LMBR1: variants seen among roughly 807,000 people sequenced by gnomAD.
LMBR1 encodes the protein limb development membrane protein 1, also known as limb region 1 protein homolog.
In LMBR1, 52 loss-of-function variants were observed where a neutral mutation model predicts 73.9. The ratio of observed to expected loss-of-function variants is 0.70; its 90% confidence interval spans 0.56 to 0.89. LMBR1 has a LOEUF of 0.89. Ranked by LOEUF, LMBR1 falls within the 40% of genes least tolerant of loss-of-function variation. The pLI is 0.00. For synonymous variants in LMBR1, 215 were observed against 209.4 expected, an observed-to-expected ratio of 1.03 and a Z score of -0.23; for missense variants, 539 against 579.8, an observed-to-expected ratio of 0.93 and a Z score of 0.72.
chr7:156,708,837 G>T (rs1427439987), intron 15 of LMBR1, among the ~76,000 whole-genome samples: 1 of 152,146 alleles, frequency 6.6e-6, no homozygotes, highest in Non-Finnish European at 1.5e-5. Flanking sequence ...AGGGACTGCA[G>T]AAGAGAGACC....
At chr7:156,841,076 CT>C (rs1838628636) in intron 1 of LMBR1, among the ~76,000 whole-genome samples, 1 of 151,730 alleles carries the variant, frequency 6.6e-6, no homozygotes, top group African/African-American at 2.4e-5. Flanking sequence ...CCACTCGGAC[CT>C]GTGCAAGGAG....
intron 9 of LMBR1, among the ~76,000 whole-genome samples, chr7:156,748,633 C>T (rs964309775): frequency 6.6e-6 from 1 of 151,984 alleles, no homozygotes; most frequent in Non-Finnish European, 1.5e-5. Context: ...GGATTACATG[C>T]GCATGCCACC....
chr7:156,818,678 C>G (rs1834301246), intron 4 of LMBR1, among the ~76,000 whole-genome samples: 1 of 152,164 alleles, frequency 6.6e-6, no homozygotes, highest in Non-Finnish European at 1.5e-5. Flanking sequence ...CTTTACCTAA[C>G]TCCGAAACAT....
At chr7:156,841,573 T>C (rs777221900) in intron 1 of LMBR1, among the ~76,000 whole-genome samples, 15 of 152,110 alleles carry the variant, frequency 9.9e-5, no homozygotes, top group Non-Finnish European at 1.9e-4. Flanking sequence ...ACCAAGAGAC[T>C]AGATGTCTTG....
intron 1 of LMBR1, among the ~76,000 whole-genome samples, chr7:156,891,210 AAATAT>A (rs1273708129): frequency 6.9e-4 from 54 of 77,922 alleles, no homozygotes; most frequent in Middle Eastern, 4.8e-3. Context: ...AAAAAAAAAA[AAATAT>A]ATATATATAT....
At chr7:156,831,108 T>C (rs909603269) in intron 3 of LMBR1, among the ~76,000 whole-genome samples, 1 of 152,084 alleles carries the variant, frequency 6.6e-6, no homozygotes, top group African/African-American at 2.4e-5. Flanking sequence ...CACTGAAAAG[T>C]TGAGACTTAG....
intron 5 of LMBR1, among the ~76,000 whole-genome samples, chr7:156,778,948 T>C (rs1435262501): frequency 6.6e-6 from 1 of 152,202 alleles, no homozygotes; most frequent in Non-Finnish European, 1.5e-5. Flanking sequence ...ATCAACTCCA[T>C]TCTTGCATAT....
rs1489697960 is a variant in LMBR1, at chr7:156,684,110, G to A, written c.1441C>T (p.Pro481Ser). Reference protein sequence around the residue: ...NTSRDSETAKPSVNGHQKAL With the variant: ...NTSRDSETAKSSVNGHQKAL ...GCTTTCTGATGCCCATTTACAGAAG[G>A]CTTGGCTGTTTCTGAATCCCTTGAA... Residue 481 changes from proline (P) to serine (S), a missense_variant, in exon 17 of 17, where the codon CCT (proline) becomes TCT (serine). Coordinates refer to ENST00000353442, the MANE Select transcript of LMBR1 (RefSeq NM_022458.4). The A allele has an allele frequency of 6.2e-7, 1 of 1,614,082 alleles. No individual in the cohort carries two copies. The highest frequency in any genetic ancestry group is 1.7e-5 in the Admixed American group (1 of 60,018).
rs186284764 is a variant in LMBR1, at chr7:156,718,698, C to T, written c.1225+5414G>A. On this transcript the variant is annotated intron_variant, in intron 15 of 16. Transcript: ENST00000353442. The stretch of plus-strand genomic sequence containing the variant: ...GCTGCAGTGAGCTATGATGGTGCCA[C>T]TGCACTCCAGCTTGGGTAACAGAAT... Among the ~76,000 whole-genome samples the T allele has an allele frequency of 2.0e-5, 3 of 152,262 alleles. No individual in the cohort carries two copies. The East Asian group carries it at 5.8e-4, about 29-fold the overall frequency.
chr7:156,872,519 T>C (rs1308093403), intron 1 of LMBR1, among the ~76,000 whole-genome samples: 1 of 151,798 alleles, frequency 6.6e-6, no homozygotes, highest in Non-Finnish European at 1.5e-5. Context: ...TGGTGGCGCA[T>C]GCCTATAATC....
chr7:156,747,502 A>C (rs1281581381), intron 9 of LMBR1, among the ~76,000 whole-genome samples: 1 of 152,164 alleles, frequency 6.6e-6, no homozygotes, highest in East Asian at 1.9e-4. Context: ...TTAAAATATA[A>C]AATGTATTTT....
chr7:156,789,115 G>A (rs899614274), intron 5 of LMBR1, among the ~76,000 whole-genome samples: 2 of 152,094 alleles, frequency 1.3e-5, no homozygotes, highest in Non-Finnish European at 2.9e-5. Flanking sequence ...TCTGTGCTAC[G>A]AATAGAATAA....
At chr7:156,776,053 G>A (rs1018579724) in intron 5 of LMBR1, among the ~76,000 whole-genome samples, 13 of 147,868 alleles carry the variant, frequency 8.8e-5, no homozygotes, top group African/African-American at 3.2e-4. Context: ...ATATATATGA[G>A]TTATATATAT....
chr7:156,760,350 C>T (rs1822744697), intron 8 of LMBR1, among the ~76,000 whole-genome samples: 1 of 152,166 alleles, frequency 6.6e-6, no homozygotes, highest in Non-Finnish European at 1.5e-5. Context: ...GAGTTTTCAG[C>T]TCCATGGGGT....
chr7:156,701,133 A>G (rs1809589433), intron 15 of LMBR1, among the ~76,000 whole-genome samples: 1 of 152,246 alleles, frequency 6.6e-6, no homozygotes, highest in African/African-American at 2.4e-5. Flanking sequence ...AAGATGAGAT[A>G]TGGGTGGGGA....
At chr7:156,792,863 G>C (rs1481515708) in intron 5 of LMBR1, among the ~76,000 whole-genome samples, 2 of 151,584 alleles carry the variant, frequency 1.3e-5, no homozygotes, top group African/African-American at 2.4e-5. Context: ...ATGCCATTTA[G>C]GGATACACCA....
chr7:156,890,880 C>T (rs538761655), intron 1 of LMBR1, among the ~76,000 whole-genome samples: 14 of 152,150 alleles, frequency 9.2e-5, no homozygotes, highest in African/African-American at 2.6e-4. Context: ...ACATGTCCAC[C>T]AAAAGCTATG....
At chr7:156,813,940 A>T (rs113644250) in intron 4 of LMBR1, among the ~76,000 whole-genome samples, 4,839 of 152,246 alleles carry the variant, frequency 0.032, 122 homozygotes, top group South Asian at 0.085. Context: ...CCTCTAACGA[A>T]CTAAAATACA....
At chr7:156,700,263 A>G (rs540496053) in intron 15 of LMBR1, among the ~76,000 whole-genome samples, 1 of 152,174 alleles carries the variant, frequency 6.6e-6, no homozygotes. Context: ...GAAACTGGAA[A>G]CCATCATTCT....
Sources: gnomAD v4.1 joint callset for allele counts (sites outside exome capture counted in the v4.1 genomes callset) on GRCh38, gnomAD v4.1.1 for gene constraint, MANE v1.5 for transcripts, NCBI Gene and HGNC (gene_info 2026-07-23, HGNC 2026-07-21) for gene names.